Variants in RAD50 observed in about 807,000 individuals in gnomAD.
RAD50 encodes the protein DNA repair protein RAD50.
In RAD50, 132 loss-of-function variants were observed where a neutral mutation model predicts 168.8. That is an observed-to-expected ratio of 0.78 (90% CI 0.68 to 0.90). The LOEUF is 0.90. RAD50 is among the 40% of genes least tolerant of loss of function. The probability of loss-of-function intolerance (pLI) is 0.00; values close to 1 mark genes in which losing one functional copy is unlikely to be tolerated. For missense variants in RAD50, 1,347 were observed against 1,534.4 expected (o/e 0.88, Z 2.04); for synonymous variants, 525 against 497.4 (o/e 1.06, Z -0.74).
intron 21 of RAD50, among the ~76,000 whole-genome samples, chr5:132,630,308 C>G (rs550885551): frequency 1.3e-5 from 2 of 152,312 alleles, no homozygotes; most frequent in South Asian, 2.1e-4. Flanking sequence ...TCCCAAAGTG[C>G]TGGGATTACA....
At chr5:132,633,049 G>T (rs1218150345) in intron 21 of RAD50, among the ~76,000 whole-genome samples, 1 of 149,048 alleles carries the variant, frequency 6.7e-6, no homozygotes, top group East Asian at 1.9e-4. Flanking sequence ...TACATTGCAA[G>T]TACCTATTCC....
chr5:132,619,854 A>AGATATATATATATAAG (rs1751251449), intron 21 of RAD50, among the ~76,000 whole-genome samples: 5 of 119,952 alleles, frequency 4.2e-5, no homozygotes, highest in Admixed American at 4.0e-4. Flanking sequence ...ATATATATAA[A>AGATATATATATATAAG]GATATATATA....
In RAD50 at chr5:132,591,315, A is replaced by G. The variant is rs145843634; in HGVS notation, c.1544A>G (p.Asp515Gly). The G allele has an allele frequency of 3.8e-4, 612 of 1,613,666 alleles. 3 individuals are homozygous for G. Among genetic ancestry groups the G allele is most frequent in the Non-Finnish European group, 3.6e-5 (42 of 1,179,564 alleles). Residue 515 changes from aspartate to glycine, a missense_variant, in exon 10 of 25, where the codon GAC becomes GGC. By Grantham distance (94) the Asp-to-Gly change is moderately conservative (BLOSUM62 -1). Coordinates refer to ENST00000378823, the MANE Select transcript of RAD50 (RefSeq NM_005732.4). ...CTCCAAAATGAAAAAGCAGACTTAG[A>G]CAGGACCCTGCGTAAACTTGACCAG... The part of the protein sequence containing the change: ...ISLQNEKADL[D>G]RTLRKLDQEM...
intron 21 of RAD50, among the ~76,000 whole-genome samples, chr5:132,619,498 C>T (rs1176924498): frequency 6.6e-6 from 1 of 152,054 alleles, no homozygotes; most frequent in African/African-American, 2.4e-5. Context: ...CTCCTGGGCT[C>T]AGGCATTCCT....
At chr5:132,558,122 C>T (rs928572875) in intron 1 of RAD50, among the ~76,000 whole-genome samples, 2 of 151,812 alleles carry the variant, frequency 1.3e-5, no homozygotes, top group Non-Finnish European at 2.9e-5. Flanking sequence ...GTCAGTATAG[C>T]AGGGAGAAGA....
intron 13 of RAD50, among the ~76,000 whole-genome samples, chr5:132,599,529 A>G (rs1010973861): frequency 2.0e-5 from 3 of 152,166 alleles, no homozygotes; most frequent in African/African-American, 4.8e-5. Flanking sequence ...TAAATCCACA[A>G]ATGAAAGGTC....
chr5:132,561,399 G>A (rs1264117715), intron 2 of RAD50, among the ~76,000 whole-genome samples: 1 of 151,962 alleles, frequency 6.6e-6, no homozygotes, highest in Admixed American at 6.6e-5. Context: ...CATCATGTTG[G>A]CCAGGCTGGT....
At chr5:132,558,686 C>T (rs1750061177) in intron 1 of RAD50, among the ~76,000 whole-genome samples, 1 of 143,428 alleles carries the variant, frequency 7.0e-6, no homozygotes, top group Non-Finnish European at 1.5e-5. Context: ...ACTACACCAG[C>T]CTGGGTGACA....
intron 3 of RAD50, among the ~76,000 whole-genome samples, chr5:132,578,324 C>G (rs1290114370): frequency 6.6e-6 from 1 of 152,078 alleles, no homozygotes; most frequent in Non-Finnish European, 1.5e-5. Context: ...CCTTCCATAT[C>G]CAGTCTATTA....
chr5:132,630,073 GCT>G (rs1751436650), intron 21 of RAD50, among the ~76,000 whole-genome samples: 1 of 139,594 alleles, frequency 7.2e-6, no homozygotes, highest in African/African-American at 2.7e-5. Flanking sequence ...ACAGAGTTTC[GCT>G]CTTTTTGCCC....
At chr5:132,605,301 C>A (rs1429959402) in intron 16 of RAD50, among the ~76,000 whole-genome samples, 1 of 152,082 alleles carries the variant, frequency 6.6e-6, no homozygotes, top group Non-Finnish European at 1.5e-5. Flanking sequence ...CCTTGGCCTC[C>A]CAAAGTGCTG....
rs1750921919 is a variant in RAD50, at chr5:132,603,373, A to G, written c.2281A>G (p.Ile761Val). Reference sequence around the variant, plus strand: ...CAAACTGCAGAATGTCAATAGAGACATACAGCGCCTAAAGAACGACATAGA... The same window carrying G: ...CAAACTGCAGAATGTCAATAGAGACGTACAGCGCCTAAAGAACGACATAGA... ...RNKLQNVNRD[I>V]QRLKNDIEEQ... Residue 761 changes from isoleucine (I) to valine (V), a missense_variant, in exon 14 of 25, where the codon ATA becomes GTA. Around this residue, in one of 3 missense-constraint regions of RAD50, gnomAD observed 635 missense variants for 739.2 expected, o/e 0.86. Coordinates refer to ENST00000378823, the MANE Select transcript of RAD50 (RefSeq NM_005732.4). 1 of 1,613,872 alleles carries G rather than the reference A, an allele frequency of 6.2e-7. No homozygotes were observed. The highest frequency in any genetic ancestry group is 2.2e-5 in the East Asian group (1 of 44,826).
At chr5:132,638,394 C>A in intron 23 of RAD50, 171 bp downstream of exon 23, 1 of 758,062 alleles carries the variant, frequency 1.3e-6, no homozygotes, top group Non-Finnish European at 2.2e-6. Flanking sequence ...CTGAAGCTAA[C>A]CAACATTTCC....
intron 16 of RAD50, among the ~76,000 whole-genome samples, chr5:132,607,336 G>T (rs553635926): frequency 1.3e-5 from 2 of 152,250 alleles, no homozygotes; most frequent in African/African-American, 4.8e-5. Context: ...TTTGATTCCG[G>T]ATGTGGTTTC....
At chr5:132,563,975 G>T (rs767632003) in intron 2 of RAD50, among the ~76,000 whole-genome samples, 5 of 152,170 alleles carry the variant, frequency 3.3e-5, no homozygotes, top group Non-Finnish European at 1.5e-5. Context: ...TGCCATGATT[G>T]TAAGTTTCCT....
rs186664261 is a variant in RAD50, at chr5:132,558,531, C to T, written c.130-753C>T. ...TTCGAGACCAGCCTGGCCAACGTGG[C>T]GAAACCCCATCTCTAATAAAAATAC... is the stretch of plus-strand genomic sequence containing the variant. On this transcript the variant is annotated intron_variant, in intron 1 of 24. Coordinates refer to ENST00000378823, the MANE Select transcript of RAD50 (RefSeq NM_005732.4). 5.4e-3 allele frequency among the ~76,000 whole-genome samples: 816 copies of T among 151,488 alleles called. 4 individuals carry two copies. The highest frequency in any genetic ancestry group is 8.9e-3 in the Non-Finnish European group (603 of 67,826).
At chr5:132,568,702 A>C (rs1462174916) in intron 2 of RAD50, among the ~76,000 whole-genome samples, 4 of 152,230 alleles carry the variant, frequency 2.6e-5, no homozygotes, top group Admixed American at 1.3e-4. Flanking sequence ...GCTAGGGAAT[A>C]AAAGTTAAAC....
rs1033089119 is a variant in RAD50, at chr5:132,642,890, G to C, written c.*526G>C. ...CCAGTGACCTCTCTCTCTGGGACTT[G>C]GTTTCCCCAACTAAAATTTGAAGTA... On this transcript the variant is annotated 3_prime_UTR_variant, in exon 25 of 25. Transcript: ENST00000378823. The C allele has an allele frequency of 2.5e-6, 1 of 404,110 alleles. No homozygotes were observed. Among genetic ancestry groups the C allele is most frequent in the Non-Finnish European group, 5.1e-6 (1 of 197,860 alleles). 25.0% of individuals were successfully genotyped at this position (404,110 alleles called of 1,614,324 possible). A position where few individuals can be genotyped will look rare whatever the true frequency, so the allele number is the denominator to read the frequency against.
chr5:132,588,292 G>T (rs1337642537), intron 7 of RAD50, among the ~76,000 whole-genome samples: 1 of 152,124 alleles, frequency 6.6e-6, no homozygotes, highest in Non-Finnish European at 1.5e-5. Flanking sequence ...GGGATACTGG[G>T]TAAGAGAAAG....
Sources: allele counts gnomAD v4.1 joint callset (sites outside exome capture counted in the v4.1 genomes callset), GRCh38; gene constraint gnomAD v4.1.1; regional missense constraint gnomAD v4.1.1; transcripts MANE v1.5; gene names NCBI Gene and HGNC (gene_info 2026-07-23, HGNC 2026-07-21).